The following PHKA1 variants were observed in gnomAD, a reference collection of about 807,000 sequenced individuals.
PHKA1 encodes phosphorylase kinase regulatory subunit alpha 1.
Under a neutral mutation model 110.2 loss-of-function variants are expected in PHKA1, and 60 were observed. That is an observed-to-expected ratio of 0.54 (90% CI 0.44 to 0.68). PHKA1 has a LOEUF of 0.68. PHKA1 is among the 30% of genes least tolerant of loss of function. PHKA1 has a pLI of 0.00. For synonymous variants in PHKA1, 316 were observed against 333.6 expected, an observed-to-expected ratio of 0.95 and a Z score of 0.58; for missense variants, 801 against 942.5, an observed-to-expected ratio of 0.85 and a Z score of 1.97.
At chrX:72,594,957 T>C (rs189119238) in intron 28 of PHKA1, among the ~76,000 whole-genome samples, 1 of 112,043 alleles carries the variant, frequency 8.9e-6, no homozygotes, top group Admixed American at 9.5e-5. Flanking sequence ...ATGAGGCCAA[T>C]ATTACCCAGA....
chrX:72,588,902 C>T (rs1040929793), intron 29 of PHKA1, among the ~76,000 whole-genome samples: 3 of 111,590 alleles, frequency 2.7e-5, no homozygotes, highest in Non-Finnish European at 5.6e-5. Context: ...TCTGAATAGA[C>T]CAATAACAGG....
chrX:72,672,537 C>A (rs1269695421), intron 6 of PHKA1, among the ~76,000 whole-genome samples: 1 of 111,294 alleles, frequency 9.0e-6, no homozygotes, highest in Non-Finnish European at 1.9e-5. Flanking sequence ...AGTCCCATTC[C>A]CATGATAACT....
chrX:72,638,799 T>A (rs1451753165), intron 14 of PHKA1, among the ~76,000 whole-genome samples: 2 of 112,034 alleles, frequency 1.8e-5, no homozygotes, highest in Non-Finnish European at 3.8e-5. Context: ...TGAAATGCAA[T>A]TTTTGTCTCC....
chrX:72,675,286 G>GTCC (rs1311091464), intron 6 of PHKA1, among the ~76,000 whole-genome samples: 7 of 110,016 alleles, frequency 6.4e-5, no homozygotes, highest in Admixed American at 5.8e-4. Context: ...GACTCCCTTT[G>GTCC]TCCTCTCTGT....
At chrX:72,634,835 T>G in intron 16 of PHKA1, among the ~76,000 whole-genome samples, 1 of 112,363 alleles carries the variant, frequency 8.9e-6, no homozygotes, top group Non-Finnish European at 1.9e-5. Context: ...CTACATTTTT[T>G]GAATTATAGC....
intron 2 of PHKA1, among the ~76,000 whole-genome samples, chrX:72,710,005 G>A (rs1448687804): frequency 1.1e-5 from 1 of 87,383 alleles, no homozygotes; most frequent in Non-Finnish European, 2.1e-5. Context: ...TCGCACCGCC[G>A]CACTCCAACC....
At chrX:72,617,693 T>A (rs1273584916) in intron 21 of PHKA1, among the ~76,000 whole-genome samples, 1 of 111,184 alleles carries the variant, frequency 9.0e-6, no homozygotes, top group African/African-American at 3.3e-5. Context: ...AAAATCTGAA[T>A]AGATCAATAA....
rs201936467 is a variant in PHKA1, at chrX:72,589,683, C to T, written c.3243+3421G>A. Among the ~76,000 whole-genome samples the T allele has an allele frequency of 8.3e-3, 859 of 103,943 alleles. 45 individuals carry two copies. In the East Asian group the frequency reaches 0.17, roughly 21 times the overall value. 90.3% of individuals were successfully genotyped at this position (103,943 alleles called of 115,157 possible). A position where few individuals can be genotyped will look rare whatever the true frequency, so the allele number is the denominator to read the frequency against. ...TGATTGTATATTTAGAAAACCCCAT[C>T]GTCTCAGCCCAAAATCTCCTTAAGC... On this transcript the variant is annotated intron_variant, in intron 29 of 31. Coordinates refer to ENST00000373542, the MANE Select transcript of PHKA1 (RefSeq NM_002637.4).
intron 2 of PHKA1, among the ~76,000 whole-genome samples, chrX:72,710,042 CAAAAAAAAA>C (rs374071163): frequency 5.2e-5 from 1 of 19,259 alleles, no homozygotes; most frequent in African/African-American, 1.9e-4. Flanking sequence ...ACTTAGTCTT[CAAAAAAAAA>C]AAAAAAAAAA....
At chrX:72,618,653 T>G (rs988434499) in intron 21 of PHKA1, 57 bp downstream of exon 21, 17 of 987,506 alleles carry the variant, frequency 1.7e-5, no homozygotes, top group Non-Finnish European at 5.8e-6. Context: ...CTATTTATTA[T>G]GCTATAATTC....
In PHKA1 at chrX:72,713,370, C is replaced by T. The variant is rs140324663; in HGVS notation, c.78+433G>A. ...CATCAGATCCCCAGAACTTACTCAT[C>T]TTATAACTGAAACTTTGTGCCCTTT... On this transcript the variant is annotated intron_variant, in intron 1 of 31. Coordinates refer to ENST00000373542, the MANE Select transcript of PHKA1 (RefSeq NM_002637.4). Among the ~76,000 whole-genome samples, 6 of 111,128 alleles carry T rather than the reference C, an allele frequency of 5.4e-5. 1 individual carries two copies. Among genetic ancestry groups the T allele is most frequent in the Admixed American group, 3.8e-4 (4 of 10,429 alleles).
chrX:72,652,459 C>A, intron 12 of PHKA1, 85 bp downstream of exon 12: 1 of 586,898 alleles, frequency 1.7e-6, no homozygotes. Flanking sequence ...AGACATCCTT[C>A]AGATTTAATG....
At chrX:72,647,217 T>C (rs1264864348) in intron 13 of PHKA1, among the ~76,000 whole-genome samples, 1 of 111,173 alleles carries the variant, frequency 9.0e-6, no homozygotes, top group Non-Finnish European at 1.9e-5. Flanking sequence ...TGGAGAAAAC[T>C]GGATGGATCT....
intron 21 of PHKA1, among the ~76,000 whole-genome samples, chrX:72,614,345 G>A (rs782164779): frequency 1.1e-4 from 12 of 111,427 alleles, no homozygotes; most frequent in African/African-American, 3.6e-4. Flanking sequence ...CTGAAGGAGG[G>A]CTATCCAGAA....
intron 18 of PHKA1, chrX:72,621,928 G>A (rs782036197): frequency 7.2e-5 from 54 of 744,982 alleles, no homozygotes; most frequent in African/African-American, 9.3e-5. Context: ...TCAGTAACAC[G>A]TATCATTAGA....
At chrX:72,626,638 G>T (rs2053075984) in intron 17 of PHKA1, among the ~76,000 whole-genome samples, 1 of 111,075 alleles carries the variant, frequency 9.0e-6, no homozygotes, top group Non-Finnish European at 1.9e-5. Context: ...TATATACTGT[G>T]TTTTTTCTTA....
At chrX:72,677,929 T>C (rs1473503789) in intron 5 of PHKA1, among the ~76,000 whole-genome samples, 1 of 110,680 alleles carries the variant, frequency 9.0e-6, no homozygotes, top group Admixed American at 9.6e-5. Context: ...GCTTCTATAG[T>C]TCCAACTACT....
At chrX:72,639,615 T>A (rs1483667756) in intron 14 of PHKA1, among the ~76,000 whole-genome samples, 3 of 111,823 alleles carry the variant, frequency 2.7e-5, no homozygotes, top group African/African-American at 6.5e-5. Context: ...TGCATTACAT[T>A]TTTTTATAGG....
At chrX:72,626,287 G>C (rs1451800218) in intron 17 of PHKA1, among the ~76,000 whole-genome samples, 1 of 110,149 alleles carries the variant, frequency 9.1e-6, no homozygotes, top group Non-Finnish European at 1.9e-5. Flanking sequence ...TGGGTGTTCA[G>C]TAGTATTCTT....
Sources: allele counts gnomAD v4.1 joint callset (sites outside exome capture counted in the v4.1 genomes callset), GRCh38; gene constraint gnomAD v4.1.1; transcripts MANE v1.5; gene names NCBI Gene and HGNC (gene_info 2026-07-23, HGNC 2026-07-21).